The following SQSTM1 variants were observed in gnomAD, a reference collection of about 807,000 sequenced individuals.
The protein encoded by SQSTM1 is sequestosome-1.
In SQSTM1, 36 loss-of-function variants were observed where a neutral mutation model predicts 45.1. That is an observed-to-expected ratio of 0.80 (90% CI 0.61 to 1.05). The LOEUF (loss-of-function observed/expected upper bound fraction) is 1.05, where lower values mean the gene tolerates loss of function less well. SQSTM1 is among the 50% of genes least tolerant of loss of function. The pLI is 0.00. For missense variants in SQSTM1, 617 were observed against 607.1 expected (o/e 1.02, Z -0.17); for synonymous variants, 290 against 244.3 (o/e 1.19, Z -1.74).
chr5:179,816,021 G>A (rs1217556562), upstream of SQSTM1, among the ~76,000 whole-genome samples: 2 of 152,262 alleles, frequency 1.3e-5, no homozygotes, highest in South Asian at 2.1e-4. Flanking sequence ...GGGGAAGAGC[G>A]GGCACTGGGC....
In SQSTM1 at chr5:179,833,205, C is replaced by T; in HGVS notation, c.928C>T (p.Gln310Ter). Reference sequence around the variant, plus strand: ...GGGCGCCACGCAGTCTCTGGCGGAGCAGATGAGGAAGATCGCCTTGGAGTC... The same window carrying T: ...GGGCGCCACGCAGTCTCTGGCGGAGTAGATGAGGAAGATCGCCTTGGAGTC... ...VEGATQSLAEQMRKIALESEG... is the reference protein window; with the variant it reads ...VEGATQSLAE Residue 310 changes from glutamine (Q) to a stop codon, truncating the protein, a stop_gained, in exon 6 of 8, where the codon CAG (glutamine) becomes TAG (stop). Transcript: ENST00000389805. LOFTEE classifies it high-confidence loss of function. The T allele has an allele frequency of 6.2e-7, 1 of 1,611,212 alleles. No individual in the cohort carries two copies. The highest frequency in any genetic ancestry group is 8.5e-7 in the Non-Finnish European group (1 of 1,178,942).
chr5:179,821,013 G>A lies in SQSTM1; in HGVS notation c.77G>A (p.Cys26Tyr). 6.4e-7 allele frequency: 1 copy of A among 1,571,002 alleles called. No homozygotes were observed. Among genetic ancestry groups the A allele is most frequent in the Non-Finnish European group, 8.6e-7 (1 of 1,168,146 alleles). The change falls in exon 1 of 8, where the codon TGC (cysteine) becomes TAC (tyrosine). Residue 26 changes from cysteine (C) to tyrosine (Y), a missense_variant. Cys to Tyr is a radical substitution (Grantham distance 194, BLOSUM62 -2). Transcript: ENST00000389805. ...CGCGAGATTCGCCGCTTCAGCTTCT[G>A]CTGCAGCCCCGAGCCTGAGGCGGAA... ...AAREIRRFSF[C>Y]CSPEPEAEAE...
Position 179,836,801 on chromosome 5 carries a change from C to G in SQSTM1, c.*208C>G. On this transcript the variant is annotated 3_prime_UTR_variant, in exon 8 of 8. Transcript: ENST00000389805. ...TGTGTGCTGATGTTTCCTGGGTGCC[C>G]TGGCTCCTTGCAGCAGGGCTGGGCC... is the stretch of plus-strand genomic sequence containing the variant. 1.3e-6 allele frequency: 1 copy of G among 789,588 alleles called. No individual in the cohort carries two copies. Among genetic ancestry groups the G allele is most frequent in the South Asian group, 1.6e-5 (1 of 62,512 alleles). The allele number at this position is 789,588 out of a possible 1,614,324, so 48.9% of individuals were successfully genotyped here.
chr5:179,812,393 T>G (rs1323472515), intron 2 of SQSTM1: 4 of 152,110 alleles, frequency 2.6e-5, no homozygotes, highest in Admixed American at 2.6e-4. Context: ...GGTTCCTTCC[T>G]GATGGAATCC....
intron 1 of SQSTM1, among the ~76,000 whole-genome samples, chr5:179,807,170 G>A (rs929968499): frequency 6.6e-6 from 1 of 151,646 alleles, no homozygotes; most frequent in Non-Finnish European, 1.5e-5. Flanking sequence ...GGGGCGGGGG[G>A]CGGGCGGCGG....
Position 179,834,734 on chromosome 5 carries a change from G to C in SQSTM1, c.1165+952G>C, listed in dbSNP as rs568627151. Among the ~76,000 whole-genome samples, 283 of 152,316 alleles carry C rather than the reference G, an allele frequency of 1.9e-3. 1 individual carries two copies. Among genetic ancestry groups the C allele is most frequent in the Non-Finnish European group, 3.6e-3 (246 of 68,040 alleles). On this transcript the variant is annotated intron_variant, in intron 7 of 7. Coordinates refer to ENST00000389805, the MANE Select transcript of SQSTM1 (RefSeq NM_003900.5). ...TCAGAGAGCACGGGGTTGGGGGTAA[G>C]GTCACAGATCAACAGGATAAGAATT...
intron 1 of SQSTM1, among the ~76,000 whole-genome samples, chr5:179,810,474 C>T (rs1019298848): frequency 1.3e-5 from 2 of 152,194 alleles, no homozygotes; most frequent in African/African-American, 4.8e-5. Context: ...CATAGTATTC[C>T]ATGGTGTATA....
chr5:179,806,506 C>A lies in SQSTM1; in HGVS notation c.-242C>A. ...GCTCACCTTTCTGGCCGCTGAGTGC[C>A]GCGTACCAGGACAGCGAGAGGAAGG... On this transcript the variant is annotated 5_prime_UTR_variant, in exon 1 of 6. Transcript: ENST00000514093. This position sits in a 1 kb window ranked among gnomAD's most constrained non-coding sequence, Gnocchi z 4.6. 1 of 1,324,654 alleles carries A rather than the reference C, an allele frequency of 7.5e-7. No individual in the cohort carries two copies. The allele number at this position is 1,324,654 out of a possible 1,614,324, so 82.1% of individuals were successfully genotyped here.
At chr5:179,819,335 CCA>C (rs1244422845), upstream of SQSTM1, among the ~76,000 whole-genome samples, 1 of 149,110 alleles carries the variant, frequency 6.7e-6, no homozygotes, top group Non-Finnish European at 1.5e-5. Context: ...CGCCCCCCCC[CCA>C]GTCTCTTCAC....
Position 179,821,156 on chromosome 5 carries a change from G to T in SQSTM1, c.205+15G>T. The T allele has an allele frequency of 7.5e-7, 1 of 1,330,828 alleles. No individual in the cohort carries two copies. The highest frequency in any genetic ancestry group is 9.6e-7 in the Non-Finnish European group (1 of 1,045,728). 82.4% of individuals were successfully genotyped at this position (1,330,828 alleles called of 1,614,324 possible). ...GCACTACCGCGGTGAGCGGGCCGGG[G>T]AGCGGCGGGGGCGGTGACGCAGGCC... On this transcript the variant is annotated intron_variant, in intron 1 of 7. Coordinates refer to ENST00000389805, the MANE Select transcript of SQSTM1 (RefSeq NM_003900.5).
upstream of SQSTM1, among the ~76,000 whole-genome samples, chr5:179,818,012 CAAAAAA>C (rs528143529): frequency 2.4e-3 from 71 of 29,190 alleles, no homozygotes; most frequent in African/African-American, 6.5e-3. Context: ...GAGACTGTCT[CAAAAAA>C]AAAAAAAAAA....
intron 5 of SQSTM1, among the ~76,000 whole-genome samples, chr5:179,832,679 T>C (rs751424484): frequency 2.0e-5 from 3 of 152,180 alleles, no homozygotes; most frequent in Non-Finnish European, 4.4e-5. Flanking sequence ...CTTTAGATGC[T>C]AGCTGAGGTT....
Position 179,806,679 on chromosome 5 carries a change from G to GGCGGCGGC in SQSTM1, c.-157+90_-157+91insGGCGGCGC, listed in dbSNP as rs1757176045. 2.0e-6 allele frequency: 1 copy of GGCGGCGGC among 509,608 alleles called. No homozygotes were observed. The highest frequency in any genetic ancestry group is 2.1e-5 in the African/African-American group (1 of 47,056). 31.6% of individuals were successfully genotyped at this position (509,608 alleles called of 1,614,324 possible). ...GGGGTCGGAAGGCGGCGGCGGCGGC[G>GGCGGCGGC]GCAGGGGCCCCGGCCCCGGGTCGGG... is the stretch of plus-strand genomic sequence containing the variant. On this transcript the variant is annotated intron_variant, in intron 1 of 5. Coordinates refer to the SQSTM1 transcript ENST00000514093. The surrounding 1 kb of genome is among the most constrained non-coding windows in gnomAD (Gnocchi z 4.6).
Position 179,825,213 on chromosome 5 carries a change from C to T in SQSTM1, c.741C>T (p.Ala247=). The T allele has an allele frequency of 6.2e-7, 1 of 1,613,834 alleles. No individual in the cohort carries two copies. The highest frequency in any genetic ancestry group is 1.7e-5 in the Admixed American group (1 of 60,012). Residue 247 remains alanine (A), a synonymous_variant, in exon 5 of 8, where the codon GCC becomes GCT. Coordinates refer to ENST00000389805, the MANE Select transcript of SQSTM1 (RefSeq NM_003900.5). ...ACGTTGGGGAGAGTGTGGCAGCTGC[C>T]CTTAGCCCTCTGGGTGAGTGCACCT... ...LKNVGESVAA[A]LSPLGIEVDI...
In SQSTM1 at chr5:179,837,360, G is replaced by A; in HGVS notation, c.*767G>A. 6.3e-7 allele frequency: 1 copy of A among 1,581,794 alleles called. No individual in the cohort carries two copies. The highest frequency in any genetic ancestry group is 1.2e-5 in the South Asian group (1 of 86,052). On this transcript the variant is annotated 3_prime_UTR_variant, in exon 8 of 8. Coordinates refer to ENST00000389805, the MANE Select transcript of SQSTM1 (RefSeq NM_003900.5). ...GGGAACCCTGTCCCTCCTAACAAGT[G>A]TATCTCGATTAATAACCTGCCAGTC... is the stretch of plus-strand genomic sequence containing the variant.
intron 5 of SQSTM1, among the ~76,000 whole-genome samples, chr5:179,829,790 A>G (rs137946851): frequency 5.8e-4 from 88 of 152,336 alleles, no homozygotes; most frequent in East Asian, 2.9e-3. Context: ...GGAAATGAAC[A>G]TAGAATGCAA....
In SQSTM1 at chr5:179,821,152, C is replaced by T. The variant is rs752618979; in HGVS notation, c.205+11C>T. 8.3e-6 allele frequency: 11 copies of T among 1,330,556 alleles called. No homozygotes were observed. The African/African-American group carries it at 1.2e-4, about 15-fold the overall frequency. 82.4% of individuals were successfully genotyped at this position (1,330,556 alleles called of 1,614,324 possible). A position where few individuals can be genotyped will look rare whatever the true frequency, so the allele number is the denominator to read the frequency against. On this transcript the variant is annotated intron_variant, in intron 1 of 7. Coordinates refer to ENST00000389805, the MANE Select transcript of SQSTM1 (RefSeq NM_003900.5). The stretch of plus-strand genomic sequence containing the variant: ...AGGCGCACTACCGCGGTGAGCGGGC[C>T]GGGGAGCGGCGGGGGCGGTGACGCA...
chr5:179,821,776 A>G (rs1214357532), intron 1 of SQSTM1: 2 of 315,578 alleles, frequency 6.3e-6, no homozygotes, highest in Non-Finnish European at 1.2e-5. Flanking sequence ...GTGTTGGCAC[A>G]GAAGCCCTGT....
rs988411948 is a variant in SQSTM1, at chr5:179,833,044, A to G, written c.767A>G (p.Asp256Gly). 4.3e-6 allele frequency: 7 copies of G among 1,614,094 alleles called. No homozygotes were observed. The highest frequency in any genetic ancestry group is 3.3e-5 in the Admixed American group (2 of 60,000). Residue 256 changes from aspartate (D) to glycine (G), a missense_variant, in exon 6 of 8, where the codon GAT (aspartate) becomes GGT (glycine). Transcript: ENST00000389805. ...AALSPLGIEV[D>G]IDVEHGGKRS... ...CCTCCGCCTCTAGGCATTGAAGTTG[A>G]TATCGATGTGGAGCACGGAGGGAAA...
Sources: gnomAD v4.1 joint callset for allele counts (sites outside exome capture counted in the v4.1 genomes callset) on GRCh38, gnomAD v4.1.1 for gene constraint, Gnocchi (gnomAD v3.1) non-coding constraint, MANE v1.5 for transcripts, NCBI Gene and HGNC (gene_info 2026-07-23, HGNC 2026-07-21) for gene names.